The following DNAAF9 variants were observed in gnomAD, a reference collection of about 807,000 sequenced individuals.
DNAAF9 encodes dynein axonemal assembly factor 9.
In DNAAF9, 90 loss-of-function variants were observed where a neutral mutation model predicts 167.0. The observed-to-expected ratio is 0.54, with a 90% CI of 0.45 to 0.64. The LOEUF is 0.64. Ranked by LOEUF, DNAAF9 falls within the 30% of genes least tolerant of loss-of-function variation. DNAAF9 has a pLI of 0.00. For synonymous variants in DNAAF9, 491 were observed against 508.8 expected (o/e 0.96, Z 0.47); for missense variants, 1,315 against 1,442.2 (o/e 0.91, Z 1.43).
intron 7 of DNAAF9, among the ~76,000 whole-genome samples, chr20:3,356,331 G>A (rs1331416128): frequency 1.3e-5 from 2 of 152,064 alleles, no homozygotes; most frequent in African/African-American, 4.8e-5. Context: ...TTCAGAGCCT[G>A]GTTTAGAGCC....
At chr20:3,348,053 C>T (rs527330258) in intron 8 of DNAAF9, among the ~76,000 whole-genome samples, 1 of 152,280 alleles carries the variant, frequency 6.6e-6, no homozygotes, top group South Asian at 2.1e-4. Flanking sequence ...AGAATGCTAG[C>T]TTAGAAGGAT....
At chr20:3,389,927 C>T (rs1258030305) in intron 1 of DNAAF9, among the ~76,000 whole-genome samples, 1 of 151,694 alleles carries the variant, frequency 6.6e-6, no homozygotes, top group African/African-American at 2.4e-5. Flanking sequence ...TCCCAGCTAC[C>T]CAGGAGGGTG....
intron 30 of DNAAF9, among the ~76,000 whole-genome samples, chr20:3,267,582 A>G (rs561315928): frequency 6.6e-6 from 1 of 150,624 alleles, no homozygotes; most frequent in African/African-American, 2.5e-5. Flanking sequence ...TCAAATCAAC[A>G]TTTGATCTTT....
intron 7 of DNAAF9, among the ~76,000 whole-genome samples, chr20:3,351,022 A>G (rs1351370669): frequency 6.6e-6 from 1 of 152,216 alleles, no homozygotes; most frequent in African/African-American, 2.4e-5. Flanking sequence ...AAACAAAAAG[A>G]GAACCAATTA....
chr20:3,287,847 G>A, intron 26 of DNAAF9, 57 bp from the exon 27 acceptor site: 3 of 1,486,962 alleles, frequency 2.0e-6, no homozygotes, highest in Non-Finnish European at 2.8e-6. Flanking sequence ...TAGCTCCATA[G>A]GTTCAGCCAT....
chr20:3,255,813 A>G (rs966115477), intron 34 of DNAAF9, among the ~76,000 whole-genome samples, 193 bp downstream of exon 34: 2 of 152,340 alleles, frequency 1.3e-5, no homozygotes, highest in Admixed American at 1.3e-4. Flanking sequence ...ACAACATAGC[A>G]GGCCTGCCTG....
intron 13 of DNAAF9, among the ~76,000 whole-genome samples, chr20:3,325,910 TTTTG>T (rs373360474): frequency 2.3e-4 from 35 of 152,276 alleles, no homozygotes; most frequent in African/African-American, 8.2e-4. Flanking sequence ...TTTAAAAGAC[TTTTG>T]TTTAAGCTAT....
At position 3,376,153 on chromosome 20, in the gene DNAAF9, T is replaced by G. The variant is rs1017196221; in HGVS notation, c.408+25A>C. On this transcript the variant is annotated intron_variant, in intron 4 of 36. Coordinates refer to ENST00000252032, the MANE Select transcript of DNAAF9 (RefSeq NM_001009984.3). The stretch of plus-strand genomic sequence containing the variant: ...AGAGTATTCTTAGAGTGTCTCTAGG[T>G]GCCTGTCTTCTCTTTTCTTCTTACC... 3 of 1,606,764 alleles carry G rather than the reference T, an allele frequency of 1.9e-6. No individual in the cohort carries two copies. In the African/African-American group the frequency reaches 4.0e-5, roughly 22 times the overall value.
intron 31 of DNAAF9, among the ~76,000 whole-genome samples, chr20:3,260,811 T>C (rs1188213213): frequency 6.6e-6 from 1 of 152,190 alleles, no homozygotes; most frequent in Non-Finnish European, 1.5e-5. Context: ...TTTGTATTGT[T>C]TGTAGAGACG....
At chr20:3,337,430 C>CTTTT (rs1280999955) in intron 10 of DNAAF9, among the ~76,000 whole-genome samples, 3 of 102,670 alleles carry the variant, frequency 2.9e-5, no homozygotes, top group South Asian at 3.7e-4. Context: ...CGCCCAGGTT[C>CTTTT]TTTTTTTTTG....
chr20:3,327,695 T>C (rs1412274546), intron 12 of DNAAF9, among the ~76,000 whole-genome samples: 1 of 152,202 alleles, frequency 6.6e-6, no homozygotes, highest in Non-Finnish European at 1.5e-5. Flanking sequence ...AAGTGGAATA[T>C]GTTGTCTATT....
At chr20:3,331,416 CTCTCCTCTGTG>C (rs2069826803) in intron 11 of DNAAF9, among the ~76,000 whole-genome samples, 1 of 152,112 alleles carries the variant, frequency 6.6e-6, no homozygotes, top group African/African-American at 2.4e-5. Context: ...TCCTGACGTA[CTCTCCTCTGTG>C]TAGCAATGCT....
At chr20:3,394,966 T>C (rs1185134478) in intron 1 of DNAAF9, among the ~76,000 whole-genome samples, 8 of 28,584 alleles carry the variant, frequency 2.8e-4, no homozygotes, top group African/African-American at 1.3e-3. Context: ...TTTTTTTTTT[T>C]TTTTTTTTTT....
At chr20:3,394,158 TGA>T (rs748572680) in intron 1 of DNAAF9, among the ~76,000 whole-genome samples, 2 of 152,052 alleles carry the variant, frequency 1.3e-5, no homozygotes, top group African/African-American at 2.4e-5. Context: ...GCCAACATGG[TGA>T]AACCCTGTCT....
At chr20:3,277,301 C>T (rs540819465) in intron 29 of DNAAF9, among the ~76,000 whole-genome samples, 3 of 152,226 alleles carry the variant, frequency 2.0e-5, no homozygotes, top group Admixed American at 1.3e-4. Context: ...CATCGTGGAT[C>T]TCTTTTTCTC....
At chr20:3,370,985 T>C (rs1470790887) in intron 6 of DNAAF9, among the ~76,000 whole-genome samples, 1 of 152,200 alleles carries the variant, frequency 6.6e-6, no homozygotes, top group Non-Finnish European at 1.5e-5. Context: ...TAACAACCTT[T>C]AATTTAATTC....
intron 1 of DNAAF9, among the ~76,000 whole-genome samples, chr20:3,399,848 T>G (rs2083959492): frequency 6.6e-6 from 1 of 152,192 alleles, no homozygotes; most frequent in South Asian, 2.1e-4. Context: ...AACAGACATC[T>G]TCTTCAAGTT....
chr20:3,283,326 TA>T (rs1175970046), intron 27 of DNAAF9, among the ~76,000 whole-genome samples: 8 of 152,312 alleles, frequency 5.3e-5, no homozygotes, highest in Non-Finnish European at 1.0e-4. Flanking sequence ...AACTCATCTG[TA>T]AAAAGGCCCT....
chr20:3,329,647 G>A (rs985098237), intron 12 of DNAAF9, among the ~76,000 whole-genome samples: 15 of 152,186 alleles, frequency 9.9e-5, no homozygotes, highest in African/African-American at 3.4e-4. Flanking sequence ...TGGGCCTGGA[G>A]AACCTATATT....
Sources: allele counts gnomAD v4.1 joint callset (sites outside exome capture counted in the v4.1 genomes callset), GRCh38; gene constraint gnomAD v4.1.1; transcripts MANE v1.5; gene names NCBI Gene and HGNC (gene_info 2026-07-23, HGNC 2026-07-21).